Variants in POU6F2 observed in about 807,000 individuals in gnomAD.
The protein encoded by POU6F2 is POU domain, class 6, transcription factor 2.
In POU6F2, 31 loss-of-function variants were observed where a neutral mutation model predicts 71.3. The observed-to-expected ratio is 0.43, with a 90% CI of 0.33 to 0.59. POU6F2 has a LOEUF of 0.59. POU6F2 is among the 20% of genes least tolerant of loss of function. POU6F2 has a pLI of 0.04. For synonymous variants in POU6F2, 347 were observed against 355.7 expected (o/e 0.98, Z 0.27); for missense variants, 783 against 856.8 (o/e 0.91, Z 1.07).
chr7:38,980,354 A>G (rs888407291), intron 1 of POU6F2, among the ~76,000 whole-genome samples: 5 of 152,184 alleles, frequency 3.3e-5, no homozygotes, highest in Non-Finnish European at 7.4e-5. Context: ...AGAAGAATAG[A>G]ATATTGTCCT....
intron 1 of POU6F2, among the ~76,000 whole-genome samples, chr7:38,987,225 C>T (rs1788484924): frequency 6.6e-6 from 1 of 152,018 alleles, no homozygotes; most frequent in Non-Finnish European, 1.5e-5. Flanking sequence ...ATACTCAAAC[C>T]AATTAAAATA....
chr7:39,026,268 A>G (rs921137030), intron 1 of POU6F2, among the ~76,000 whole-genome samples: 3 of 152,008 alleles, frequency 2.0e-5, no homozygotes, highest in Middle Eastern at 3.4e-3. Flanking sequence ...CCAAAGGACT[A>G]TAAATCATGC....
chr7:39,373,411 C>T (rs889775572), intron 5 of POU6F2: 3 of 456,288 alleles, frequency 6.6e-6, no homozygotes, highest in Non-Finnish European at 1.3e-5. Context: ...ATGCCAAGAG[C>T]CAACAGTCAT....
At chr7:39,327,268 G>T (rs1299838261) in intron 4 of POU6F2, among the ~76,000 whole-genome samples, 2 of 140,272 alleles carry the variant, frequency 1.4e-5, no homozygotes, top group East Asian at 4.0e-4. Flanking sequence ...GACAGAGGGA[G>T]ACTCTGTCTC....
chr7:39,108,452 G>A (rs1446323559), intron 2 of POU6F2, among the ~76,000 whole-genome samples: 1 of 152,072 alleles, frequency 6.6e-6, no homozygotes. Flanking sequence ...CTCCCACACA[G>A]CATCCAGACA....
At chr7:39,078,695 A>C (rs1791047218) in intron 1 of POU6F2, among the ~76,000 whole-genome samples, 1 of 152,170 alleles carries the variant, frequency 6.6e-6, no homozygotes. Flanking sequence ...TAAATGGTAA[A>C]TATTTCAGGC....
At chr7:39,396,415 G>C (rs975375024) in intron 5 of POU6F2, among the ~76,000 whole-genome samples, 1 of 152,122 alleles carries the variant, frequency 6.6e-6, no homozygotes, top group Non-Finnish European at 1.5e-5. Context: ...GTGCTCCCAA[G>C]CTCCCTAGGT....
At chr7:39,031,394 CT>C (rs1324900429) in intron 1 of POU6F2, among the ~76,000 whole-genome samples, 3 of 152,070 alleles carry the variant, frequency 2.0e-5, no homozygotes, top group Admixed American at 6.6e-5. Context: ...GATACTAATG[CT>C]TTTCAAATTT....
chr7:39,266,907 A>C (rs904382874), intron 4 of POU6F2, among the ~76,000 whole-genome samples: 1 of 152,104 alleles, frequency 6.6e-6, no homozygotes, highest in Admixed American at 6.5e-5. Flanking sequence ...CCTGTTAACC[A>C]TAGTCACCCT....
At chr7:39,405,171 A>G (rs1006068950) in intron 5 of POU6F2, among the ~76,000 whole-genome samples, 9 of 152,172 alleles carry the variant, frequency 5.9e-5, no homozygotes, top group African/African-American at 2.2e-4. Flanking sequence ...AAAGAAACCG[A>G]TAAGATAAAG....
chr7:39,014,621 A>T (rs548356647), intron 1 of POU6F2, among the ~76,000 whole-genome samples: 23 of 152,014 alleles, frequency 1.5e-4, no homozygotes, highest in Admixed American at 5.9e-4. Context: ...AAAAAGCTGA[A>T]TTTTTTTTCA....
At position 39,351,216 on chromosome 7, in the gene POU6F2, A is replaced by G. The variant is rs528353100; in HGVS notation, c.972+11201A>G. 1.2e-4 allele frequency among the ~76,000 whole-genome samples: 19 copies of G among 152,324 alleles called. No homozygotes were observed. The South Asian group carries it at 3.7e-3, about 30-fold the overall frequency. ...TTTATGCAAAATGCTTTTTGCCGTA[A>G]GTATTGATTGCATGAGTCAGCACTG... On this transcript the variant is annotated intron_variant, in intron 5 of 9. Coordinates refer to ENST00000518318, the MANE Select transcript of POU6F2 (RefSeq NM_001370959.1).
intron 1 of POU6F2, among the ~76,000 whole-genome samples, chr7:38,989,118 C>T (rs973803574): frequency 2.6e-5 from 4 of 152,000 alleles, no homozygotes; most frequent in Non-Finnish European, 5.9e-5. Flanking sequence ...CAAAGAGCTG[C>T]TCCTAACTTT....
chr7:38,982,698 T>C (rs918290216), intron 1 of POU6F2, among the ~76,000 whole-genome samples: 1 of 152,070 alleles, frequency 6.6e-6, no homozygotes, highest in Non-Finnish European at 1.5e-5. Flanking sequence ...TTAGATGAAC[T>C]TGGGTCTTGA....
At chr7:39,282,253 G>A (rs1784574859) in intron 4 of POU6F2, among the ~76,000 whole-genome samples, 1 of 152,088 alleles carries the variant, frequency 6.6e-6, no homozygotes, top group Non-Finnish European at 1.5e-5. Context: ...TCTTCACTCT[G>A]TTGATTATTT....
At chr7:39,175,013 T>G (rs1793301327) in intron 2 of POU6F2, among the ~76,000 whole-genome samples, 1 of 152,116 alleles carries the variant, frequency 6.6e-6, no homozygotes, top group African/African-American at 2.4e-5. Context: ...GTCTATTCCC[T>G]CCATCATCAA....
chr7:39,001,345 T>C (rs1490592756), intron 1 of POU6F2, among the ~76,000 whole-genome samples: 1 of 152,140 alleles, frequency 6.6e-6, no homozygotes, highest in Non-Finnish European at 1.5e-5. Flanking sequence ...TTTTATCGAG[T>C]ACTTGTTATG....
intron 7 of POU6F2, among the ~76,000 whole-genome samples, chr7:39,434,757 T>C (rs182339485): frequency 8.3e-4 from 126 of 152,218 alleles, no homozygotes; most frequent in African/African-American, 2.4e-3. Context: ...GCTGCATTTG[T>C]TGACCCATCC....
intron 4 of POU6F2, among the ~76,000 whole-genome samples, chr7:39,288,131 T>C (rs1784684798): frequency 6.6e-6 from 1 of 152,242 alleles, no homozygotes; most frequent in Non-Finnish European, 1.5e-5. Context: ...TGAATTATGC[T>C]TTCTTTTTAA....
Sources: gnomAD v4.1 joint callset for allele counts (sites outside exome capture counted in the v4.1 genomes callset) on GRCh38, gnomAD v4.1.1 for gene constraint, MANE v1.5 for transcripts, NCBI Gene and HGNC (gene_info 2026-07-23, HGNC 2026-07-21) for gene names.